The following TAF1D variants were observed in gnomAD, a reference collection of about 807,000 sequenced individuals.
The protein encoded by TAF1D is TATA-box binding protein associated factor, RNA polymerase I subunit D.
A neutral mutation model predicts 26.2 loss-of-function variants in TAF1D; 23 were observed. That is an observed-to-expected ratio of 0.88 (90% CI 0.63 to 1.25). The LOEUF (loss-of-function observed/expected upper bound fraction) is 1.25, where lower values mean the gene tolerates loss of function less well. TAF1D is among the 50% of genes most tolerant of loss of function. The pLI is 0.00. For synonymous variants in TAF1D, 100 were observed against 105.6 expected (o/e 0.95, Z 0.33); for missense variants, 299 against 322.0 (o/e 0.93, Z 0.55).
chr11:93,739,217 A>T lies in TAF1D; in HGVS notation c.68+20T>A, dbSNP rs1941328697. The stretch of plus-strand genomic sequence containing the variant: ...GTTTCTCATAATTCAGATACAATAA[A>T]CATGATTGAATCCACTCACCTTCGA... On this transcript the variant is annotated intron_variant, in intron 2 of 5. Coordinates refer to ENST00000448108, the MANE Select transcript of TAF1D (RefSeq NM_024116.4). 6.4e-7 allele frequency: 1 copy of T among 1,572,120 alleles called. No individual in the cohort carries two copies. Among genetic ancestry groups the T allele is most frequent in the Non-Finnish European group, 8.7e-7 (1 of 1,144,750 alleles).
rs766278419 is a variant in TAF1D at position 93,738,297 on chromosome 11, ATC to A, written c.269_270del (p.Arg90IlefsTer2). 7 of 1,606,122 alleles carry A rather than the reference ATC, an allele frequency of 4.4e-6. No individual in the cohort carries two copies. The highest frequency in any genetic ancestry group is 1.4e-5 in the African/African-American group (1 of 73,938). On this transcript the variant is annotated frameshift_variant, in exon 3 of 6. Transcript: ENST00000448108. LOFTEE classifies it high-confidence loss of function. Reference sequence around the variant, plus strand: ...TACCTCCTCTTTTTCTTTTTTTTATATCTCTTTTTCCTGTTCTTGAATCTTTC... The same window carrying A: ...TACCTCCTCTTTTTCTTTTTTTTATATCTTTTTCCTGTTCTTGAATCTTTC... Reference protein sequence around the residue: ...IFERFKNRKKRYKKKKKRRYQ... With the variant: ...IFERFKNRKKXYKKKKKRRYQ...
chr11:93,730,662 C>T, downstream of TAF1D: 1 of 528,560 alleles, frequency 1.9e-6, no homozygotes, highest in Non-Finnish European at 3.7e-6. Context: ...AATGTCTTTT[C>T]TAATGCATAC....
downstream of TAF1D, chr11:93,732,711 G>A (rs1939480674): frequency 1.1e-5 from 3 of 270,822 alleles, no homozygotes; most frequent in South Asian, 3.7e-5. Flanking sequence ...ACTTAAAGAT[G>A]GAATATATAC....
downstream of TAF1D, chr11:93,731,201 A>C (rs983924581): frequency 1.7e-5 from 7 of 419,242 alleles, no homozygotes; most frequent in Non-Finnish European, 3.2e-5. Context: ...ATACTGATGA[A>C]GACTTCAAAA....
chr11:93,739,386 T>G, intron 1 of TAF1D, 55 bp from the exon 2 acceptor site: 1 of 1,204,624 alleles, frequency 8.3e-7, no homozygotes, highest in South Asian at 1.4e-5. Flanking sequence ...ATTGACAGTA[T>G]CTACTACAGT....
downstream of TAF1D, chr11:93,734,598 G>T: frequency 3.5e-6 from 2 of 565,572 alleles, no homozygotes; most frequent in Non-Finnish European, 6.1e-6. Context: ...AAACAAATAT[G>T]ATGTGAAAAC....
downstream of TAF1D, chr11:93,733,413 A>C (rs1318468551): frequency 1.9e-6 from 1 of 518,614 alleles, no homozygotes; most frequent in Non-Finnish European, 3.8e-6. Flanking sequence ...GTAAAAAAGT[A>C]GATTATCTGG....
chr11:93,741,166 G>A (rs1329498114), intron 1 of TAF1D, among the ~76,000 whole-genome samples, 156 bp downstream of exon 1: 1 of 152,244 alleles, frequency 6.6e-6, no homozygotes, highest in Non-Finnish European at 1.5e-5. Context: ...CAGCCGCGTG[G>A]CGCGGAGTGG....
At chr11:93,739,437 T>C (rs1941355320) in intron 1 of TAF1D, 106 bp from the exon 2 acceptor site, 1 of 647,358 alleles carries the variant, frequency 1.5e-6, no homozygotes, top group Non-Finnish European at 2.5e-6. Flanking sequence ...TCAGGCGAAA[T>C]CATTTACCAA....
intron 1 of TAF1D, among the ~76,000 whole-genome samples, chr11:93,740,101 G>A (rs1941573446): frequency 6.6e-6 from 1 of 151,798 alleles, no homozygotes; most frequent in African/African-American, 2.4e-5. Flanking sequence ...TTGAGCCCAG[G>A]AGCTCAAGAC....
At chr11:93,739,821 C>T (rs1941442802) in intron 1 of TAF1D, among the ~76,000 whole-genome samples, 1 of 152,082 alleles carries the variant, frequency 6.6e-6, no homozygotes, top group African/African-American at 2.4e-5. Context: ...TTCCTAGATT[C>T]ATTTAAGCAA....
Position 93,736,195 on chromosome 11 carries a change from G to C in TAF1D, c.803C>G (p.Ala268Gly), listed in dbSNP as rs1327471988. ...AALSKKRATK[A>G]KNTGQRGLKM ...CAGGCCTCTCTGTCCAGTATTTTTG[G>C]CTTTTGTAGCTCTCTTTTTAGACAA... Residue 268 changes from alanine (A) to glycine (G), a missense_variant, in exon 6 of 6, where the codon GCC becomes GGC. Ala to Gly is a moderately conservative substitution (Grantham distance 60). Transcript: ENST00000448108. The C allele has an allele frequency of 6.2e-7, 1 of 1,612,992 alleles. No individual in the cohort carries two copies. Among genetic ancestry groups the C allele is most frequent in the East Asian group, 2.2e-5 (1 of 44,724 alleles).
chr11:93,733,217 G>C (rs772142781), downstream of TAF1D: 6 of 518,894 alleles, frequency 1.2e-5, no homozygotes. Context: ...TTATTATACA[G>C]CCATATCCAG....
At position 93,738,224 on chromosome 11, in the gene TAF1D, G is replaced by C. The variant is rs1035821719; in HGVS notation, c.344C>G (p.Pro115Arg). ...PRGRPEGRRN[P>R]IYSLIDKKKQ... The stretch of plus-strand genomic sequence containing the variant: ...CTTCTTATCTATTAGTGAGTATATA[G>C]GATTTCTCCTTCCTTCTGGTCTTCC... Residue 115 changes from proline (P) to arginine (R), a missense_variant, in exon 3 of 6, where the codon CCT becomes CGT. Physicochemically the swap from Pro to Arg is moderately radical, Grantham distance 103. Transcript: ENST00000448108. 2 of 1,612,676 alleles carry C rather than the reference G, an allele frequency of 1.2e-6. No homozygotes were observed. Among genetic ancestry groups the C allele is most frequent in the African/African-American group, 2.7e-5 (2 of 74,774 alleles).
Position 93,738,267 on chromosome 11 carries a change from G to T in TAF1D, c.301C>A (p.Pro101Thr), listed in dbSNP as rs1345660813. 3 of 1,612,096 alleles carry T rather than the reference G, an allele frequency of 1.9e-6. No individual in the cohort carries two copies. The African/African-American group carries it at 4.0e-5, about 22-fold the overall frequency. Residue 101 changes from proline to threonine, a missense_variant, in exon 3 of 6, where the codon CCA becomes ACA. Pro to Thr is a conservative substitution (Grantham distance 38). Coordinates refer to ENST00000448108, the MANE Select transcript of TAF1D (RefSeq NM_024116.4). ...GGTCTTCCCCGTGGTCTTCCTGTTG[G>T]CTGGTACCTCCTCTTTTTCTTTTTT... Reference protein sequence around the residue: ...YKKKKKRRYQPTGRPRGRPEG... With the variant: ...YKKKKKRRYQTTGRPRGRPEG...
At position 93,741,473 on chromosome 11, in the gene TAF1D, C is replaced by T. The variant is rs964087301; in HGVS notation, c.-179G>A. ...CAACTCCCGATAACCAGCCGACCTCCTCCAACCGTGCGGAAGAAAAGGGTT... is the reference window on the plus strand; with the variant it reads ...CAACTCCCGATAACCAGCCGACCTCTTCCAACCGTGCGGAAGAAAAGGGTT... On this transcript the variant is annotated 5_prime_UTR_variant, in exon 1 of 6. Coordinates refer to ENST00000448108, the MANE Select transcript of TAF1D (RefSeq NM_024116.4). The T allele has an allele frequency of 4.4e-6, 2 of 456,164 alleles. No individual in the cohort carries two copies. Among genetic ancestry groups the T allele is most frequent in the Non-Finnish European group, 8.8e-6 (2 of 226,970 alleles). The allele number at this position is 456,164 out of a possible 1,614,324, so 28.3% of individuals were successfully genotyped here.
downstream of TAF1D, chr11:93,732,375 A>T (rs1462417019): frequency 1.9e-6 from 1 of 518,860 alleles, no homozygotes; most frequent in Non-Finnish European, 3.8e-6. Context: ...GTATCAGTAG[A>T]AATACCAGGT....
At chr11:93,730,974 TAATC>T (rs1390838599), downstream of TAF1D, 4 of 508,332 alleles carry the variant, frequency 7.9e-6, no homozygotes, top group Non-Finnish European at 1.6e-5. Context: ...CTATTACAGT[TAATC>T]AACTGTTCCC....
chr11:93,736,648 ACTC>A, intron 5 of TAF1D, 43 bp downstream of exon 5: 2 of 1,602,466 alleles, frequency 1.2e-6, no homozygotes, highest in African/African-American at 2.7e-5. Flanking sequence ...GTATCAACCA[ACTC>A]CTGCCTTCCC....
Sources: allele counts gnomAD v4.1 joint callset (sites outside exome capture counted in the v4.1 genomes callset), GRCh38; gene constraint gnomAD v4.1.1; transcripts MANE v1.5; gene names NCBI Gene and HGNC (gene_info 2026-07-23, HGNC 2026-07-21).